The following MAP3K1 variants were observed in gnomAD, a reference collection of about 807,000 sequenced individuals.
MAP3K1 encodes the protein MAP/ERK kinase kinase 1.
MAP3K1 carries 36 observed loss-of-function variants against 144.2 expected under a neutral mutation model. The observed-to-expected ratio is 0.25, with a 90% CI of 0.19 to 0.33. MAP3K1 has a LOEUF of 0.33. Ranked by LOEUF, MAP3K1 falls within the 10% of genes least tolerant of loss-of-function variation. The pLI, the probability that MAP3K1 is intolerant of heterozygous loss-of-function variation, is 1.00. For synonymous variants in MAP3K1, 718 were observed against 688.7 expected, an observed-to-expected ratio of 1.04 and a Z score of -0.67; for missense variants, 1,650 against 1,881.9, an observed-to-expected ratio of 0.88 and a Z score of 2.28.
In MAP3K1 at chr5:56,815,647, G is replaced by C. The variant is rs1027679613; in HGVS notation, c.74G>C (p.Gly25Ala). ...GCCAGGGCTACGAGCCCTGAGGCAG[G>C]CGGCGGCGGAGGAGCCCTCAAGGCG... ...PGARATSPEA[G>A]GGGGALKASS... The change falls in exon 1 of 20, where the codon GGC becomes GCC. Residue 25 changes from glycine to alanine, a missense_variant. Physicochemically the swap from Gly to Ala is moderately conservative, Grantham distance 60. Around this residue, in one of 6 missense-constraint regions of MAP3K1, gnomAD observed 360 missense variants for 274.7 expected, o/e 1.31. Transcript: ENST00000399503. 8.2e-6 allele frequency: 11 copies of C among 1,335,754 alleles called. No homozygotes were observed. The highest frequency in any genetic ancestry group is 1.1e-5 in the Non-Finnish European group (11 of 1,043,060). 82.7% of individuals were successfully genotyped at this position (1,335,754 alleles called of 1,614,324 possible). A position where few individuals can be genotyped will look rare whatever the true frequency, so the allele number is the denominator to read the frequency against.
At chr5:56,837,201 T>C (rs908533132) in intron 1 of MAP3K1, among the ~76,000 whole-genome samples, 4 of 151,966 alleles carry the variant, frequency 2.6e-5, no homozygotes, top group Admixed American at 6.6e-5. Flanking sequence ...GGCTTTTGCA[T>C]CTCCCCTCCC....
chr5:56,884,456 A>G (rs1240574044), intron 15 of MAP3K1, among the ~76,000 whole-genome samples: 3 of 152,134 alleles, frequency 2.0e-5, no homozygotes, highest in African/African-American at 7.2e-5. Flanking sequence ...ATATCCCAAT[A>G]TTTTTGTCAT....
intron 11 of MAP3K1, 78 bp downstream of exon 11, chr5:56,879,179 A>C: frequency 7.0e-7 from 1 of 1,436,614 alleles, no homozygotes; most frequent in Non-Finnish European, 9.8e-7. Context: ...CCTAGTGTGA[A>C]TATCTGATAC....
rs6868797 is a variant in MAP3K1, at chr5:56,852,349, C to T, written c.483-4251C>T. 9.6e-3 allele frequency among the ~76,000 whole-genome samples: 1,465 copies of T among 152,256 alleles called. 36 individuals carry two copies. The highest frequency in any genetic ancestry group is 0.034 in the African/African-American group (1,400 of 41,528). ...ATAAGGGGAGGACTGACTACAGTTT[C>T]CCTGAGAAGGGACCCTTGAAGCATC... On this transcript the variant is annotated intron_variant, in intron 1 of 19. Coordinates refer to ENST00000399503, the MANE Select transcript of MAP3K1 (RefSeq NM_005921.2).
chr5:56,817,487 C>T (rs1383319123), intron 1 of MAP3K1, among the ~76,000 whole-genome samples: 4 of 152,168 alleles, frequency 2.6e-5, no homozygotes, highest in Non-Finnish European at 5.9e-5. Flanking sequence ...AGTCCCCTTC[C>T]TCTCCCCAAG....
At chr5:56,826,894 T>G (rs557914562) in intron 1 of MAP3K1, among the ~76,000 whole-genome samples, 1 of 152,332 alleles carries the variant, frequency 6.6e-6, no homozygotes, top group African/African-American at 2.4e-5. Flanking sequence ...GAGGGAAGTC[T>G]CCATCACTTG....
intron 11 of MAP3K1, 152 bp downstream of exon 11, chr5:56,879,253 TA>T: frequency 8.7e-7 from 1 of 1,152,184 alleles, no homozygotes; most frequent in Non-Finnish European, 1.3e-6. Context: ...AAATGCAGCA[TA>T]AAGCTCTTAA....
chr5:56,853,205 G>C (rs1747229577), intron 1 of MAP3K1, among the ~76,000 whole-genome samples: 1 of 152,112 alleles, frequency 6.6e-6, no homozygotes, highest in African/African-American at 2.4e-5. Flanking sequence ...TTGATTGCAA[G>C]AGGCATTCAT....
At chr5:56,833,314 T>G (rs1487855913) in intron 1 of MAP3K1, among the ~76,000 whole-genome samples, 1 of 152,184 alleles carries the variant, frequency 6.6e-6, no homozygotes, top group Non-Finnish European at 1.5e-5. Flanking sequence ...AATACATACA[T>G]TTTTTTGCCA....
In MAP3K1 at chr5:56,872,911, C is replaced by T. The variant is rs927408814; in HGVS notation, c.1592C>T (p.Ser531Leu). The stretch of plus-strand genomic sequence containing the variant: ...GTACAGCAGCAGCCTTTGGCTGGAT[C>T]ACGAAGGAATCAAGAGAGCAATTTT... ...QTVQQQPLAG[S>L]RRNQESNFNL... Residue 531 changes from serine to leucine, a missense_variant, in exon 9 of 20, where the codon TCA becomes TTA. Ser to Leu is a moderately radical substitution (Grantham distance 145). This residue lies in a region of MAP3K1 where 841 missense variants were observed against 886.5 expected (regional missense o/e 0.95). Transcript: ENST00000399503. The T allele has an allele frequency of 1.2e-6, 2 of 1,614,126 alleles. No individual in the cohort carries two copies. The highest frequency in any genetic ancestry group is 8.5e-7 in the Non-Finnish European group (1 of 1,179,992).
chr5:56,879,586 A>G (rs947305030), intron 11 of MAP3K1, among the ~76,000 whole-genome samples: 5 of 152,148 alleles, frequency 3.3e-5, no homozygotes, highest in African/African-American at 1.2e-4. Context: ...TAGATTTTTT[A>G]TATTCCTGCA....
chr5:56,869,102 A>G (rs1747773105), intron 6 of MAP3K1, among the ~76,000 whole-genome samples: 3 of 150,854 alleles, frequency 2.0e-5, no homozygotes, highest in Admixed American at 1.3e-4. Flanking sequence ...AAAAAAAGAG[A>G]AAAGAAAGAA....
intron 1 of MAP3K1, among the ~76,000 whole-genome samples, chr5:56,821,984 A>G (rs1394014627): frequency 1.3e-5 from 2 of 152,088 alleles, no homozygotes; most frequent in Non-Finnish European, 2.9e-5. Context: ...GAAGGCAAGA[A>G]CTGTCTTTTT....
intron 10 of MAP3K1, among the ~76,000 whole-genome samples, chr5:56,876,491 G>A (rs1748035508): frequency 6.6e-6 from 1 of 152,144 alleles, no homozygotes; most frequent in South Asian, 2.1e-4. Context: ...CAGCATGACA[G>A]TTACGAACAT....
chr5:56,883,829 C>T, intron 15 of MAP3K1, 150 bp downstream of exon 15: 4 of 868,152 alleles, frequency 4.6e-6, no homozygotes, highest in Non-Finnish European at 7.4e-6. Flanking sequence ...TTCTAAAGCA[C>T]CAGAAACATC....
At chr5:56,822,131 C>T (rs555853326) in intron 1 of MAP3K1, among the ~76,000 whole-genome samples, 1 of 152,258 alleles carries the variant, frequency 6.6e-6, no homozygotes, top group African/African-American at 2.4e-5. Context: ...AGCAATTCTC[C>T]TGCCTAGCCT....
At chr5:56,826,187 GTTTGT>G (rs1197888611) in intron 1 of MAP3K1, among the ~76,000 whole-genome samples, 1 of 151,630 alleles carries the variant, frequency 6.6e-6, no homozygotes, top group Non-Finnish European at 1.5e-5. Flanking sequence ...GTGAGGTTTT[GTTTGT>G]TTTGTTTTTA....
intron 1 of MAP3K1, among the ~76,000 whole-genome samples, chr5:56,825,064 A>G (rs758741649): frequency 6.6e-6 from 1 of 151,880 alleles, no homozygotes; most frequent in Non-Finnish European, 1.5e-5. Context: ...CTGGAGTGCA[A>G]TGGCACAATC....
intron 1 of MAP3K1, among the ~76,000 whole-genome samples, chr5:56,845,227 G>A (rs1368668609): frequency 2.0e-5 from 3 of 152,106 alleles, no homozygotes; most frequent in South Asian, 2.1e-4. Flanking sequence ...GACCACTTTC[G>A]TAAGTATGTA....
Sources: gnomAD v4.1 joint callset for allele counts (sites outside exome capture counted in the v4.1 genomes callset) on GRCh38, gnomAD v4.1.1 for gene constraint, gnomAD v4.1.1 regional missense constraint, MANE v1.5 for transcripts, NCBI Gene and HGNC (gene_info 2026-07-23, HGNC 2026-07-21) for gene names.